Variants in SH2D4A observed in about 807,000 individuals in gnomAD.
The protein encoded by SH2D4A is SH2 domain containing 4A, also known as SH2 domain-containing protein 4A.
SH2D4A carries 70 observed loss-of-function variants against 64.7 expected under a neutral mutation model. The ratio of observed to expected loss-of-function variants is 1.08; its 90% CI spans 0.89 to 1.32. The LOEUF (loss-of-function observed/expected upper bound fraction) is 1.32, where lower values mean the gene tolerates loss of function less well. Ranked by LOEUF, SH2D4A falls within the 40% of genes most tolerant of loss-of-function variation. SH2D4A has a pLI of 0.00. For synonymous variants in SH2D4A, 268 were observed against 200.7 expected (o/e 1.34, Z -2.83); for missense variants, 706 against 540.1 (o/e 1.31, Z -3.04).
chr8:19,364,398 C>A, intron 7 of SH2D4A, 116 bp downstream of exon 7: 1 of 1,136,140 alleles, frequency 8.8e-7, no homozygotes. Context: ...CAACTGGCAG[C>A]CTGTGTAAGT....
At chr8:19,347,817 T>G (rs2052635816) in intron 4 of SH2D4A, among the ~76,000 whole-genome samples, 1 of 152,166 alleles carries the variant, frequency 6.6e-6, no homozygotes, top group African/African-American at 2.4e-5. Context: ...AGCAAAAGTC[T>G]TCCCTGTGAC....
Position 19,395,888 on chromosome 8 carries a change from C to G in SH2D4A, c.*1246C>G, listed in dbSNP as rs190366124. 6.7e-6 allele frequency: 1 copy of G among 149,958 alleles called. No individual in the cohort carries two copies. The highest frequency in any genetic ancestry group is 2.4e-5 in the African/African-American group (1 of 40,900). 9.3% of individuals were successfully genotyped at this position (149,958 alleles called of 1,614,324 possible). On this transcript the variant is annotated 3_prime_UTR_variant, in exon 10 of 10. Transcript: ENST00000265807. ...TACAGTCGTTTATGTAATTACATAA[C>G]CTGACACACAAGATCGACCCATTCA...
intron 8 of SH2D4A, among the ~76,000 whole-genome samples, chr8:19,383,806 G>C (rs1410904967): frequency 6.6e-6 from 1 of 151,980 alleles, no homozygotes; most frequent in Non-Finnish European, 1.5e-5. Context: ...TTTAATGTCT[G>C]GCTGCCAAAA....
intron 8 of SH2D4A, among the ~76,000 whole-genome samples, chr8:19,387,554 CTTT>C (rs1482007526): frequency 6.6e-6 from 1 of 152,190 alleles, no homozygotes; most frequent in Non-Finnish European, 1.5e-5. Flanking sequence ...CCATCACATG[CTTT>C]TTTATTTTTG....
At chr8:19,393,658 T>G in intron 9 of SH2D4A, 117 bp downstream of exon 9, 1 of 902,654 alleles carries the variant, frequency 1.1e-6, no homozygotes, top group Non-Finnish European at 1.7e-6. Flanking sequence ...GGGACAGGGG[T>G]GGGGGCTTGT....
At chr8:19,350,026 G>T (rs59423790) in intron 4 of SH2D4A, among the ~76,000 whole-genome samples, 13,690 of 152,188 alleles carry the variant, frequency 0.09, 668 homozygotes, top group Middle Eastern at 0.14. Flanking sequence ...ATTATTATTT[G>T]TAGTTAAGTT....
intron 8 of SH2D4A, among the ~76,000 whole-genome samples, chr8:19,377,818 G>A (rs752377944): frequency 1.3e-5 from 2 of 152,012 alleles, no homozygotes; most frequent in Non-Finnish European, 2.9e-5. Flanking sequence ...CATTTCTTCA[G>A]AGTATATATC....
At position 19,364,760 on chromosome 8, in the gene SH2D4A, G is replaced by T. The variant is rs188026396; in HGVS notation, c.917+478G>T. Among the ~76,000 whole-genome samples the T allele has an allele frequency of 9.3e-4, 142 of 152,274 alleles. 1 individual carries two copies. The highest frequency in any genetic ancestry group is 3.3e-3 in the African/African-American group (138 of 41,566). On this transcript the variant is annotated intron_variant, in intron 7 of 9. Coordinates refer to ENST00000265807, the MANE Select transcript of SH2D4A (RefSeq NM_022071.4). ...ACATTTTCACTGCCAAGGATTAAAG[G>T]TTTGATGGTAATTCTCATTCACGGA... is the stretch of plus-strand genomic sequence containing the variant.
At position 19,334,821 on chromosome 8, in the gene SH2D4A, G is replaced by A. The variant is rs56005620; in HGVS notation, c.477G>A (p.Ser159=). ...VAEKEELEQG[S]RPAPTLEEEK... ...AAAAGGAGGAACTGGAGCAAGGATC[G>A]AGGCCAGCACCAACCCTGGAAGAAG... is the stretch of plus-strand genomic sequence containing the variant. The change falls in exon 4 of 10, where the codon TCG becomes TCA. Residue 159 remains serine, a synonymous_variant. Transcript: ENST00000265807. The A allele has an allele frequency of 6.2e-6, 10 of 1,613,364 alleles. No individual in the cohort carries two copies. The highest frequency in any genetic ancestry group is 2.7e-5 in the African/African-American group (2 of 74,798).
chr8:19,372,334 A>C (rs1229053432), intron 7 of SH2D4A, among the ~76,000 whole-genome samples: 1 of 152,130 alleles, frequency 6.6e-6, no homozygotes, highest in Non-Finnish European at 1.5e-5. Context: ...TCCCTGATGG[A>C]CCTGAGGAAG....
chr8:19,372,300 C>T (rs2053115492), intron 7 of SH2D4A, among the ~76,000 whole-genome samples: 1 of 152,170 alleles, frequency 6.6e-6, no homozygotes, highest in Non-Finnish European at 1.5e-5. Flanking sequence ...CTCCCAAGGG[C>T]TCTATGATTT....
At chr8:19,325,193 C>T (rs1326257816) in intron 2 of SH2D4A, among the ~76,000 whole-genome samples, 1 of 152,186 alleles carries the variant, frequency 6.6e-6, no homozygotes, top group Non-Finnish European at 1.5e-5. Context: ...CTCCCTGACC[C>T]TCACTCACCC....
chr8:19,370,833 GC>G (rs1331355229), intron 7 of SH2D4A, among the ~76,000 whole-genome samples: 1 of 151,874 alleles, frequency 6.6e-6, no homozygotes, highest in African/African-American at 2.4e-5. Context: ...TTGTGGTTAG[GC>G]ACTTTTCTCT....
chr8:19,391,442 A>G (rs576079602), intron 8 of SH2D4A, among the ~76,000 whole-genome samples: 1 of 152,142 alleles, frequency 6.6e-6, no homozygotes, highest in Non-Finnish European at 1.5e-5. Flanking sequence ...TGATACATGC[A>G]ATGCATGTGC....
At chr8:19,358,786 A>G (rs1273653781) in intron 5 of SH2D4A, among the ~76,000 whole-genome samples, 1 of 152,234 alleles carries the variant, frequency 6.6e-6, no homozygotes, top group Non-Finnish European at 1.5e-5. Context: ...CAGGCTGGAC[A>G]AGAGGCTTTC....
At chr8:19,320,030 A>G (rs1390707897) in intron 2 of SH2D4A, among the ~76,000 whole-genome samples, 3 of 152,182 alleles carry the variant, frequency 2.0e-5, no homozygotes, top group Non-Finnish European at 4.4e-5. Context: ...AAAGGTTTCT[A>G]TCTCCTTTAT....
intron 2 of SH2D4A, among the ~76,000 whole-genome samples, chr8:19,330,199 G>C (rs1288422525): frequency 1.3e-5 from 2 of 152,166 alleles, no homozygotes; most frequent in Non-Finnish European, 2.9e-5. Context: ...CATCTGATGT[G>C]AAGCCGAGGG....
At chr8:19,352,047 T>C (rs1481313303) in intron 4 of SH2D4A, among the ~76,000 whole-genome samples, 2 of 152,196 alleles carry the variant, frequency 1.3e-5, no homozygotes. Context: ...CTTTCCAAAG[T>C]GCTGGGATTA....
At chr8:19,345,263 A>C (rs549291864) in intron 4 of SH2D4A, among the ~76,000 whole-genome samples, 2 of 152,330 alleles carry the variant, frequency 1.3e-5, no homozygotes, top group African/African-American at 4.8e-5. Flanking sequence ...ATGGAGTCCT[A>C]GGAGTTCACG....
Sources: allele counts gnomAD v4.1 joint callset (sites outside exome capture counted in the v4.1 genomes callset), GRCh38; gene constraint gnomAD v4.1.1; transcripts MANE v1.5; gene names NCBI Gene and HGNC (gene_info 2026-07-23, HGNC 2026-07-21).